Variants in OCA2 observed in about 807,000 individuals in gnomAD.
The protein encoded by OCA2 is OCA2 melanosomal transmembrane protein, also known as P protein.
In OCA2, 77 loss-of-function variants were observed where a neutral mutation model predicts 100.2. The ratio of observed to expected loss-of-function variants is 0.77; its 90% CI spans 0.64 to 0.93. The LOEUF is 0.93. Ranked by LOEUF, OCA2 falls within the 40% of genes least tolerant of loss-of-function variation. OCA2 has a pLI of 0.00. For missense variants in OCA2, 1,062 were observed against 1,089.1 expected (o/e 0.98, Z 0.35); for synonymous variants, 432 against 439.2 (o/e 0.98, Z 0.21).
At chr15:27,951,730 C>A in intron 18 of OCA2, 54 bp downstream of exon 18, 2 of 1,284,868 alleles carry the variant, frequency 1.6e-6, no homozygotes, top group Non-Finnish European at 2.3e-6. Context: ...GGCTCTGAAA[C>A]CTTCCCATCC....
chr15:28,011,837 G>A lies in OCA2; in HGVS notation c.1044+2939C>T, dbSNP rs190193624. ...GGAGGCTGAGGCAGGAGAATCACTC[G>A]AACCCAGGAGATGGTGTTGCAGTGA... is the stretch of plus-strand genomic sequence containing the variant. On this transcript the variant is annotated intron_variant, in intron 9 of 23. Transcript: ENST00000354638. Among the ~76,000 whole-genome samples the A allele has an allele frequency of 2.1e-3, 319 of 151,330 alleles. 1 individual carries two copies. Among genetic ancestry groups the A allele is most frequent in the Non-Finnish European group, 3.9e-3 (268 of 67,888 alleles).
chr15:28,018,279 G>T, intron 7 of OCA2, 118 bp downstream of exon 7: 4 of 911,184 alleles, frequency 4.4e-6, no homozygotes, highest in African/African-American at 1.6e-5. Flanking sequence ...CCAATGAATT[G>T]ACTAAGAATG....
chr15:28,029,218 G>A (rs2042842778), intron 3 of OCA2, among the ~76,000 whole-genome samples: 1 of 152,168 alleles, frequency 6.6e-6, no homozygotes, highest in Non-Finnish European at 1.5e-5. Context: ...TGGTTCACAA[G>A]GAAAAAATGT....
At chr15:28,037,259 G>C (rs1182670441) in intron 2 of OCA2, among the ~76,000 whole-genome samples, 3 of 151,842 alleles carry the variant, frequency 2.0e-5, no homozygotes, top group Non-Finnish European at 4.4e-5. Context: ...TCAAGCAGAA[G>C]TCAGAGGGCA....
Position 27,824,602 on chromosome 15 carries a change from C to CTCTCTCTCTCTCTATATATATATATATA in OCA2, c.2432+20356_2432+20357insTATATATATATATATAGAGAGAGAGAGA. Among the ~76,000 whole-genome samples, 151 of 47,496 alleles carry CTCTCTCTCTCTCTATATATATATATATA rather than the reference C, an allele frequency of 3.2e-3. 4 individuals carry two copies. The highest frequency in any genetic ancestry group is 0.018 in the Middle Eastern group (1 of 56). The allele number at this position is 47,496 out of a possible 152,430, so 31.2% of individuals were successfully genotyped here. ...TTTCTCTCTCTCTCTCTCTCTCTCT[C>CTCTCTCTCTCTCTATATATATATATATA]TATATATATATATATATATAATATA... is the stretch of plus-strand genomic sequence containing the variant. On this transcript the variant is annotated intron_variant, in intron 23 of 23. Transcript: ENST00000354638.
rs566983723 is a variant in OCA2 at position 27,812,815 on chromosome 15, A to G, written c.2432+32144T>C. Among the ~76,000 whole-genome samples the G allele has an allele frequency of 1.9e-4, 29 of 152,232 alleles. No homozygotes were observed. In the South Asian group the frequency reaches 3.5e-3, roughly 18 times the overall value. Reference sequence around the variant, plus strand: ...GTCTCTTACTGCGACTTCAGCTGCTATTGTTTCATTGACTAGAAGTAAAAT... The same window carrying G: ...GTCTCTTACTGCGACTTCAGCTGCTGTTGTTTCATTGACTAGAAGTAAAAT... On this transcript the variant is annotated intron_variant, in intron 23 of 23. Transcript: ENST00000354638.
chr15:27,869,881 C>T (rs1410030688), intron 21 of OCA2, among the ~76,000 whole-genome samples: 3 of 152,176 alleles, frequency 2.0e-5, no homozygotes, highest in Non-Finnish European at 4.4e-5. Flanking sequence ...GAGGTGGAGC[C>T]AGCTGGGCCA....
At chr15:27,860,374 T>C (rs568207009) in intron 21 of OCA2, among the ~76,000 whole-genome samples, 29 of 152,296 alleles carry the variant, frequency 1.9e-4, no homozygotes, top group Admixed American at 1.8e-3. Flanking sequence ...ATGCTGGGAT[T>C]TGGACTTCAA....
chr15:27,751,785 C>T (rs941523495), downstream of OCA2, among the ~76,000 whole-genome samples: 1 of 152,176 alleles, frequency 6.6e-6, no homozygotes, highest in African/African-American at 2.4e-5. Context: ...GAATGAAGTC[C>T]CTGCCTTCCT....
Position 28,032,104 on chromosome 15 carries a change from T to G in OCA2, c.287A>C (p.Glu96Ala), listed in dbSNP as rs748287294. The G allele has an allele frequency of 2.0e-5, 33 of 1,614,026 alleles. No homozygotes were observed. Among genetic ancestry groups the G allele is most frequent in the Non-Finnish European group, 2.6e-5 (31 of 1,179,986 alleles). Residue 96 changes from glutamate (E) to alanine (A), a missense_variant, in exon 3 of 24, where the codon GAA becomes GCA. Physicochemically the swap from Glu to Ala is moderately radical, Grantham distance 107 (BLOSUM62 -1). Coordinates refer to ENST00000354638, the MANE Select transcript of OCA2 (RefSeq NM_000275.3). ...GGAATTCCTCAGCAAAGGAGTGTTTTCTGTAAAGCAGGAATCTTTAGACCT... is the reference window on the plus strand; with the variant it reads ...GGAATTCCTCAGCAAAGGAGTGTTTGCTGTAAAGCAGGAATCTTTAGACCT... ...SSRSKDSCFT[E>A]NTPLLRNSLQ...
chr15:27,896,917 G>C (rs553922336), intron 19 of OCA2, among the ~76,000 whole-genome samples: 1 of 152,158 alleles, frequency 6.6e-6, no homozygotes, highest in Non-Finnish European at 1.5e-5. Context: ...CAGGCCAGGC[G>C]CAGTGGCTCA....
intron 15 of OCA2, among the ~76,000 whole-genome samples, chr15:27,959,631 G>C (rs910355798): frequency 1.3e-5 from 2 of 152,182 alleles, no homozygotes; most frequent in Non-Finnish European, 2.9e-5. Context: ...TCTGGTGCCA[G>C]CCCCTGGGTG....
intron 19 of OCA2, among the ~76,000 whole-genome samples, chr15:27,894,590 T>C (rs1262335320): frequency 1.1e-4 from 17 of 152,116 alleles, no homozygotes; most frequent in Admixed American, 9.8e-4. Flanking sequence ...TACAGCCAGG[T>C]GTGATTGTAT....
At chr15:27,968,239 C>G (rs1477567374) in intron 14 of OCA2, among the ~76,000 whole-genome samples, 1 of 152,200 alleles carries the variant, frequency 6.6e-6, no homozygotes, top group East Asian at 1.9e-4. Context: ...CTCTTATCCC[C>G]ATGAAGCTGG....
At chr15:27,767,579 T>C (rs535853740) in intron 23 of OCA2, among the ~76,000 whole-genome samples, 158 of 151,884 alleles carry the variant, frequency 1.0e-3, no homozygotes, top group African/African-American at 3.4e-3. Context: ...CAGCACTCTA[T>C]GTCTAGCTAA....
chr15:27,739,719 T>G, the OCA2 span, among the ~76,000 whole-genome samples: 10 of 152,184 alleles, frequency 6.6e-5, no homozygotes, highest in Admixed American at 3.9e-4. Context: ...ATGCTGGGAT[T>G]ACAGGTGTGA....
chr15:27,981,486 A>G (rs1489028245), intron 14 of OCA2, among the ~76,000 whole-genome samples: 1 of 152,204 alleles, frequency 6.6e-6, no homozygotes, highest in Non-Finnish European at 1.5e-5. Flanking sequence ...ACTTAGAAAC[A>G]GTTTGGTTCT....
the OCA2 span, among the ~76,000 whole-genome samples, chr15:27,749,581 T>C: frequency 5.7e-3 from 861 of 152,244 alleles, 10 homozygotes; most frequent in African/African-American, 0.02. Flanking sequence ...TAATGATCTA[T>C]GTAAAAAATA....
At chr15:27,807,489 C>T (rs150409174) in intron 23 of OCA2, among the ~76,000 whole-genome samples, 228 of 152,234 alleles carry the variant, frequency 1.5e-3, no homozygotes, top group Admixed American at 3.7e-3. Flanking sequence ...AGTGCCTTTG[C>T]GTTGGTGTCA....
Sources: allele counts gnomAD v4.1 joint callset (sites outside exome capture counted in the v4.1 genomes callset), GRCh38; gene constraint gnomAD v4.1.1; transcripts MANE v1.5; gene names NCBI Gene and HGNC (gene_info 2026-07-23, HGNC 2026-07-21).